Variants in TCOF1 observed in about 807,000 individuals in gnomAD.
TCOF1 encodes the protein treacle protein.
Under a neutral mutation model 149.0 loss-of-function variants are expected in TCOF1, and 33 were observed. The ratio of observed to expected loss-of-function variants is 0.22; its 90% CI spans 0.17 to 0.30. TCOF1 has a LOEUF of 0.30. TCOF1 is among the 10% of genes least tolerant of loss of function. The pLI, the probability that TCOF1 is intolerant of heterozygous loss-of-function variation, is 1.00. For synonymous variants in TCOF1, 789 were observed against 738.8 expected, an observed-to-expected ratio of 1.07 and a Z score of -1.10; for missense variants, 1,728 against 1,840.7, an observed-to-expected ratio of 0.94 and a Z score of 1.12.
chr5:150,386,885 A>G (rs756409356), intron 17 of TCOF1, among the ~76,000 whole-genome samples: 1 of 152,254 alleles, frequency 6.6e-6, no homozygotes, highest in Non-Finnish European at 1.5e-5. Flanking sequence ...GGCCTGCAGA[A>G]TACCAGGGAG....
At chr5:150,381,241 T>C (rs1373804287) in intron 17 of TCOF1, among the ~76,000 whole-genome samples, 1 of 152,152 alleles carries the variant, frequency 6.6e-6, no homozygotes, top group Admixed American at 6.5e-5. Flanking sequence ...TTTGTTTTCT[T>C]CATGAGTAAA....
intron 17 of TCOF1, among the ~76,000 whole-genome samples, chr5:150,381,969 G>A (rs527630400): frequency 2.0e-4 from 31 of 152,326 alleles, no homozygotes; most frequent in African/African-American, 7.2e-4. Context: ...GCTGAGACAG[G>A]CGGATCACTT....
intron 25 of TCOF1, 91 bp from the exon 26 acceptor site, chr5:150,398,931 A>G: frequency 2.5e-6 from 4 of 1,579,912 alleles, no homozygotes; most frequent in Non-Finnish European, 3.5e-6. Flanking sequence ...TATCTATTCT[A>G]GGGGAATTCA....
At chr5:150,375,593 CCACT>C in intron 11 of TCOF1, 39 bp downstream of exon 11, 1 of 1,613,380 alleles carries the variant, frequency 6.2e-7, no homozygotes, top group Non-Finnish European at 8.5e-7. Context: ...TTTTTCCCCC[CCACT>C]CAGAGTGGAG....
rs765770048 is a variant in TCOF1, at chr5:150,379,753, G to A, written c.2859+21G>A. On this transcript the variant is annotated intron_variant, in intron 17 of 26. Coordinates refer to ENST00000643257, the MANE Select transcript of TCOF1 (RefSeq NM_001371623.1). ...CCCAGGTAAGACTTGCCAGGCCTCT[G>A]AGCCACCAACACTCACTCCTCAGAA... 57 of 1,611,564 alleles carry A rather than the reference G, an allele frequency of 3.5e-5. 2 individuals carry two copies. In the South Asian group the frequency reaches 6.2e-4, roughly 17 times the overall value.
chr5:150,383,749 T>G (rs1370720260), intron 17 of TCOF1: 2 of 1,551,792 alleles, frequency 1.3e-6, no homozygotes, highest in Admixed American at 2.0e-5. Flanking sequence ...ACCAGGAGTC[T>G]TCTTGAATCC....
At chr5:150,369,077 C>G (rs961754392) in intron 5 of TCOF1, among the ~76,000 whole-genome samples, 175 bp downstream of exon 5, 1 of 152,246 alleles carries the variant, frequency 6.6e-6, no homozygotes, top group African/African-American at 2.4e-5. Flanking sequence ...GGTCAGCTTA[C>G]AGGGACCTGG....
chr5:150,397,542 G>C (rs1015480906), intron 24 of TCOF1, among the ~76,000 whole-genome samples: 1 of 152,166 alleles, frequency 6.6e-6, no homozygotes, highest in African/African-American at 2.4e-5. Context: ...GCTCGGGCTC[G>C]GAGAAGTAGA....
At chr5:150,392,976 G>T (rs187776107) in intron 22 of TCOF1, 186 bp downstream of exon 22, 1 of 715,828 alleles carries the variant, frequency 1.4e-6, no homozygotes, top group African/African-American at 1.7e-5. Flanking sequence ...GGCTGCCTCC[G>T]TCCCCTCATA....
intron 6 of TCOF1, among the ~76,000 whole-genome samples, chr5:150,370,821 A>G (rs1312441660): frequency 6.6e-6 from 1 of 152,168 alleles, no homozygotes; most frequent in Non-Finnish European, 1.5e-5. Flanking sequence ...TATTTTTTAA[A>G]AAAACAAATA....
At chr5:150,359,456 C>T (rs1473010981) in intron 1 of TCOF1, among the ~76,000 whole-genome samples, 2 of 152,018 alleles carry the variant, frequency 1.3e-5, no homozygotes, top group African/African-American at 2.4e-5. Flanking sequence ...GCAGTTTGAT[C>T]TTCCTTGGAA....
At chr5:150,365,990 G>A (rs1387085349) in intron 3 of TCOF1, among the ~76,000 whole-genome samples, 1 of 151,396 alleles carries the variant, frequency 6.6e-6, no homozygotes, top group Admixed American at 6.6e-5. Context: ...GCATGGTGGC[G>A]TGTGCTTGTA....
chr5:150,387,802 G>C, intron 17 of TCOF1, 100 bp from the exon 18 acceptor site: 1 of 1,545,776 alleles, frequency 6.5e-7, no homozygotes, highest in Non-Finnish European at 8.8e-7. Context: ...CCTGAGCTCA[G>C]TGGACCCTTT....
In TCOF1 at chr5:150,383,046, G is replaced by A. The variant is rs548383548; in HGVS notation, c.2859+3314G>A. Reference sequence around the variant, plus strand: ...CACTCCCCGACCACGTGCTTATCCAGGTCTTGTCCCCTCAGAAGGACAGTA... The same window carrying A: ...CACTCCCCGACCACGTGCTTATCCAAGTCTTGTCCCCTCAGAAGGACAGTA... On this transcript the variant is annotated intron_variant, in intron 17 of 26. Coordinates refer to ENST00000643257, the MANE Select transcript of TCOF1 (RefSeq NM_001371623.1). 738 of 1,531,544 alleles carry A rather than the reference G, an allele frequency of 4.8e-4. 1 individual carries two copies. Among genetic ancestry groups the A allele is most frequent in the Middle Eastern group, 3.0e-3 (18 of 5,966 alleles). 94.9% of individuals were successfully genotyped at this position (1,531,544 alleles called of 1,614,324 possible).
chr5:150,379,069 G>A, intron 15 of TCOF1, 27 bp downstream of exon 15: 1 of 1,613,934 alleles, frequency 6.2e-7, no homozygotes, highest in Non-Finnish European at 8.5e-7. Context: ...GCCACAGGAG[G>A]TGTGGAGGGT....
At position 150,375,075 on chromosome 5, in the gene TCOF1, A is replaced by G. The variant is rs1183705137; in HGVS notation, c.1400A>G (p.Gln467Arg). The G allele has an allele frequency of 4.3e-6, 7 of 1,614,168 alleles. No homozygotes were observed. Among genetic ancestry groups the G allele is most frequent in the South Asian group, 1.1e-5 (1 of 91,086 alleles). Reference sequence around the variant, plus strand: ...ACAGGGCCTGCAGCCGCCCAGGTCCAGGTGGGGAAGCAGGAGGAGGACTCA... The same window carrying G: ...ACAGGGCCTGCAGCCGCCCAGGTCCGGGTGGGGAAGCAGGAGGAGGACTCA... ...RKTGPAAAQVQVGKQEEDSRS... is the reference protein window; with the variant it reads ...RKTGPAAAQVRVGKQEEDSRS... Residue 467 changes from glutamine (Q) to arginine (R), a missense_variant, in exon 10 of 27, where the codon CAG (glutamine) becomes CGG (arginine). By Grantham distance (43) the Gln-to-Arg change is conservative. Transcript: ENST00000643257.
rs1562356741 is a variant in TCOF1 at position 150,375,793 on chromosome 5, G to C, written c.1777G>C (p.Gly593Arg). The change falls in exon 12 of 27, where the codon GGG (glycine) becomes CGG (arginine). Residue 593 changes from glycine (G) to arginine (R), a missense_variant. Physicochemically the swap from Gly to Arg is moderately radical, Grantham distance 125. Coordinates refer to ENST00000643257, the MANE Select transcript of TCOF1 (RefSeq NM_001371623.1). ...SPAKGPPQKAGPVAVQVKAEK... is the reference protein window; with the variant it reads ...SPAKGPPQKARPVAVQVKAEK... ...TGCCAAGGGGCCCCCTCAGAAGGCA[G>C]GGCCTGTAGCCGTCCAGGTCAAGGC... 4.3e-6 allele frequency: 7 copies of C among 1,614,126 alleles called. No individual in the cohort carries two copies. The highest frequency in any genetic ancestry group is 5.9e-6 in the Non-Finnish European group (7 of 1,180,046).
intron 3 of TCOF1, among the ~76,000 whole-genome samples, chr5:150,366,999 A>G (rs1761499172): frequency 6.6e-6 from 1 of 151,766 alleles, no homozygotes; most frequent in African/African-American, 2.4e-5. Flanking sequence ...TAAGGAGACA[A>G]TACCCTGGTA....
intron 17 of TCOF1, chr5:150,383,126 C>A: frequency 6.5e-7 from 1 of 1,536,086 alleles, no homozygotes; most frequent in East Asian, 2.4e-5. Flanking sequence ...GAGAGGAACA[C>A]GGAGGGGTCC....
Sources: gnomAD v4.1 joint callset for allele counts (sites outside exome capture counted in the v4.1 genomes callset) on GRCh38, gnomAD v4.1.1 for gene constraint, MANE v1.5 for transcripts, NCBI Gene and HGNC (gene_info 2026-07-23, HGNC 2026-07-21) for gene names.